DAB1: variants seen among roughly 807,000 people sequenced by gnomAD.
DAB1 encodes the protein disabled homolog 1.
A neutral mutation model predicts 64.6 loss-of-function variants in DAB1; 15 were observed. The observed-to-expected ratio is 0.23, with a 90% CI of 0.16 to 0.36. The LOEUF (loss-of-function observed/expected upper bound fraction) is 0.36, where lower values mean the gene tolerates loss of function less well. DAB1 is among the 10% of genes least tolerant of loss of function. The pLI is 1.00. For synonymous variants in DAB1, 235 were observed against 251.9 expected (o/e 0.93, Z 0.64); for missense variants, 596 against 706.7 (o/e 0.84, Z 1.78).
chr1:57,563,841 T>C (rs1645083272), intron 7 of DAB1, among the ~76,000 whole-genome samples: 1 of 152,184 alleles, frequency 6.6e-6, no homozygotes, highest in Non-Finnish European at 1.5e-5. Flanking sequence ...CCTGCCTGCC[T>C]CTGTAGACTC....
At chr1:57,779,235 TAA>T (rs1649955630) in intron 6 of DAB1, among the ~76,000 whole-genome samples, 1 of 152,132 alleles carries the variant, frequency 6.6e-6, no homozygotes, top group African/African-American at 2.4e-5. Context: ...ATCAAGAATA[TAA>T]AGAGACAGCA....
intron 7 of DAB1, among the ~76,000 whole-genome samples, chr1:57,549,014 TA>T (rs1644885824): frequency 6.6e-6 from 1 of 152,212 alleles, no homozygotes; most frequent in Non-Finnish European, 1.5e-5. Context: ...CCAGAGCCTA[TA>T]CTCTAGTCCA....
chr1:57,089,783 G>A (rs921293625), intron 4 of DAB1, among the ~76,000 whole-genome samples: 1 of 152,194 alleles, frequency 6.6e-6, no homozygotes, highest in East Asian at 1.9e-4. Context: ...TAAATGATTT[G>A]ATGTAAGAAA....
At chr1:58,484,855 A>G (rs1187302803) in intron 3 of DAB1, among the ~76,000 whole-genome samples, 1 of 152,172 alleles carries the variant, frequency 6.6e-6, no homozygotes, top group East Asian at 1.9e-4. Context: ...TGGAAAAGGC[A>G]CAACTATGGA....
At chr1:58,024,587 T>C (rs1433068812) in intron 5 of DAB1, among the ~76,000 whole-genome samples, 1 of 152,210 alleles carries the variant, frequency 6.6e-6, no homozygotes, top group African/African-American at 2.4e-5. Context: ...ACCATTGTTA[T>C]CATAAGGATT....
At position 58,433,596 on chromosome 1, in the gene DAB1, A is replaced by AGAGT. The variant is rs1300056626; in HGVS notation, n.257+72463_257+72464insACTC. 8.1e-3 allele frequency among the ~76,000 whole-genome samples: 646 copies of AGAGT among 79,824 alleles called. 8 individuals are homozygous for AGAGT. The highest frequency in any genetic ancestry group is 0.039 in the African/African-American group (605 of 15,410). The allele number at this position is 79,824 out of a possible 152,430, so 52.4% of individuals were successfully genotyped here. On this transcript the variant is annotated intron_variant and non_coding_transcript_variant, in intron 3 of 20. Transcript: ENST00000485760. ...GAGAGAGAGAGAGAGAGAGAGAGAG[A>AGAGT]GTGTGTGTGTGTGTGTGTGTGTGTT...
At chr1:58,082,361 T>G (rs1650044128) in intron 5 of DAB1, among the ~76,000 whole-genome samples, 1 of 151,382 alleles carries the variant, frequency 6.6e-6, no homozygotes, top group African/African-American at 2.4e-5. Flanking sequence ...CCTAATTCAA[T>G]AAGCATTAAA....
At chr1:57,309,615 A>C (rs1674499795) in intron 1 of DAB1, among the ~76,000 whole-genome samples, 1 of 152,206 alleles carries the variant, frequency 6.6e-6, no homozygotes, top group African/African-American at 2.4e-5. Flanking sequence ...GGCACAGGCA[A>C]GAAAGAACTC....
At chr1:57,480,648 C>T (rs1644005909) in intron 7 of DAB1, among the ~76,000 whole-genome samples, 1 of 152,050 alleles carries the variant, frequency 6.6e-6, no homozygotes, top group South Asian at 2.1e-4. Context: ...CCATGCCTGG[C>T]TAATTTTTGT....
intron 4 of DAB1, among the ~76,000 whole-genome samples, chr1:58,184,277 T>A (rs2039733): frequency 0.015 from 2,161 of 148,660 alleles, 52 homozygotes; most frequent in South Asian, 0.099. Flanking sequence ...TTTAAAAATA[T>A]ATAACATATG....
intron 7 of DAB1, among the ~76,000 whole-genome samples, chr1:57,563,198 C>T (rs934279398): frequency 1.3e-5 from 2 of 152,166 alleles, no homozygotes; most frequent in Non-Finnish European, 2.9e-5. Context: ...CCAGGTACAA[C>T]CACATGACCA....
At chr1:57,172,114 T>A (rs1661828546) in intron 2 of DAB1, among the ~76,000 whole-genome samples, 2 of 152,182 alleles carry the variant, frequency 1.3e-5, no homozygotes, top group African/African-American at 4.8e-5. Flanking sequence ...CACATGAAGT[T>A]CTCATGATGT....
At chr1:57,709,647 T>C (rs1261640481) in intron 6 of DAB1, among the ~76,000 whole-genome samples, 1 of 152,048 alleles carries the variant, frequency 6.6e-6, no homozygotes, top group Non-Finnish European at 1.5e-5. Context: ...GGGTTGCTGG[T>C]TCTGCGGCAG....
At chr1:58,078,075 T>G (rs1649764329) in intron 5 of DAB1, 1 of 152,260 alleles carries the variant, frequency 6.6e-6, no homozygotes, top group Non-Finnish European at 1.5e-5. Flanking sequence ...TAAGCAGAAC[T>G]CAGACAACAG....
At chr1:57,084,200 G>A (rs1449212620) in intron 4 of DAB1, among the ~76,000 whole-genome samples, 1 of 152,208 alleles carries the variant, frequency 6.6e-6, no homozygotes, top group Non-Finnish European at 1.5e-5. Flanking sequence ...GATTCAATAT[G>A]AATGGTGTCC....
intron 3 of DAB1, among the ~76,000 whole-genome samples, chr1:57,139,102 A>G (rs1309479569): frequency 6.6e-6 from 1 of 152,144 alleles, no homozygotes; most frequent in Non-Finnish European, 1.5e-5. Context: ...GATACATACA[A>G]ATCAGAAAAA....
intron 2 of DAB1, among the ~76,000 whole-genome samples, chr1:57,215,186 AGCTTCCCTCACTGTGATGAAT>A (rs1383867749): frequency 6.6e-6 from 1 of 152,166 alleles, no homozygotes; most frequent in Non-Finnish European, 1.5e-5. Flanking sequence ...GCAATCTCAC[AGCTTCCCTCACTGTGATGAAT>A]GCATAATATT....
At chr1:57,716,519 AAACT>A (rs1218147981) in intron 6 of DAB1, among the ~76,000 whole-genome samples, 6 of 152,230 alleles carry the variant, frequency 3.9e-5, no homozygotes, top group Non-Finnish European at 7.3e-5. Flanking sequence ...GGGGCTGAGA[AAACT>A]AGACATCCAC....
rs572429411 is a variant in DAB1 at position 57,411,250 on chromosome 1, G to A, written c.-137+12680C>T. Among the ~76,000 whole-genome samples the A allele has an allele frequency of 6.6e-5, 10 of 152,312 alleles. No individual in the cohort carries two copies. In the South Asian group the frequency reaches 1.4e-3, roughly 22 times the overall value. On this transcript the variant is annotated intron_variant, in intron 1 of 14. Transcript: ENST00000371236. ...TAGTATATTTGAGGATCTTAAGTCCGTGTGATGAAATGGAAAGAGCACTGG... is the reference window on the plus strand; with the variant it reads ...TAGTATATTTGAGGATCTTAAGTCCATGTGATGAAATGGAAAGAGCACTGG...
Sources: gnomAD v4.1 joint callset for allele counts (sites outside exome capture counted in the v4.1 genomes callset) on GRCh38, gnomAD v4.1.1 for gene constraint, MANE v1.5 for transcripts, NCBI Gene and HGNC (gene_info 2026-07-23, HGNC 2026-07-21) for gene names.